The following CD5L variants were observed in gnomAD, a reference collection of about 807,000 sequenced individuals.
The protein encoded by CD5L is CD5 molecule like.
Under a neutral mutation model 40.8 loss-of-function variants are expected in CD5L, and 39 were observed. The ratio of observed to expected loss-of-function variants is 0.96; its 90% CI spans 0.74 to 1.25. The LOEUF (loss-of-function observed/expected upper bound fraction) is 1.25, where lower values mean the gene tolerates loss of function less well. Among genes scored for constraint, CD5L ranks in the 50% most tolerant of loss-of-function variants. CD5L has a pLI of 0.00. For synonymous variants in CD5L, 192 were observed against 169.6 expected, an observed-to-expected ratio of 1.13 and a Z score of -1.03; for missense variants, 433 against 435.9, an observed-to-expected ratio of 0.99 and a Z score of 0.06.
chr1:157,834,627 G>T lies in CD5L; in HGVS notation c.498C>A (p.Gly166=). The change falls in exon 4 of 6, where the codon GGC becomes GGA. Residue 166 remains glycine (G), a synonymous_variant. Coordinates refer to ENST00000368174, the MANE Select transcript of CD5L (RefSeq NM_005894.3). ...CCACCTTTGCGGCCCGGAGGCTCCA[G>T]CCTGTCTGGCACACGGTATACCACT... The part of the protein sequence containing the change: ...QNQWYTVCQT[G]WSLRAAKVVC... 6.2e-7 allele frequency: 1 copy of T among 1,614,196 alleles called. No individual in the cohort carries two copies. Among genetic ancestry groups the T allele is most frequent in the Admixed American group, 1.7e-5 (1 of 60,024 alleles).
rs148730797 is a variant in CD5L, at chr1:157,834,466, G to A, written c.659C>T (p.Ser220Phe). The part of the protein sequence containing the change: ...GREATLQDCP[S>F]GPWGKNTCNH... ...GCAGGTGTTCTTCCCCCAAGGCCCA[G>A]AAGGGCAATCCTGAAGGGTTGCTTC... The change falls in exon 4 of 6, where the codon TCT becomes TTT. Residue 220 changes from serine (S) to phenylalanine (F), a missense_variant. Ser to Phe is a radical substitution (Grantham distance 155, BLOSUM62 -2). Coordinates refer to ENST00000368174, the MANE Select transcript of CD5L (RefSeq NM_005894.3). The A allele has an allele frequency of 1.9e-6, 3 of 1,614,216 alleles. No homozygotes were observed. In the African/African-American group the frequency reaches 4.0e-5, roughly 22 times the overall value.
At chr1:157,835,107 G>A (rs1010470225) in intron 3 of CD5L, among the ~76,000 whole-genome samples, 4 of 152,132 alleles carry the variant, frequency 2.6e-5, no homozygotes, top group Admixed American at 2.0e-4. Flanking sequence ...CATTGTTGGC[G>A]TTATGAACTA....
chr1:157,834,627 G>A lies in CD5L; in HGVS notation c.498C>T (p.Gly166=). 6.2e-7 allele frequency: 1 copy of A among 1,614,196 alleles called. No individual in the cohort carries two copies. The highest frequency in any genetic ancestry group is 8.5e-7 in the Non-Finnish European group (1 of 1,180,038). The stretch of plus-strand genomic sequence containing the variant: ...CCACCTTTGCGGCCCGGAGGCTCCA[G>A]CCTGTCTGGCACACGGTATACCACT... ...QNQWYTVCQT[G]WSLRAAKVVC... The change falls in exon 4 of 6, where the codon GGC becomes GGT. Residue 166 remains glycine, a synonymous_variant. Coordinates refer to ENST00000368174, the MANE Select transcript of CD5L (RefSeq NM_005894.3).
chr1:157,833,050 G>A, intron 5 of CD5L, 142 bp downstream of exon 5: 1 of 723,696 alleles, frequency 1.4e-6, no homozygotes, highest in South Asian at 1.7e-5. Flanking sequence ...CCATATCCCT[G>A]GAAGTACAGA....
intron 4 of CD5L, among the ~76,000 whole-genome samples, chr1:157,833,967 T>C (rs902669912): frequency 1.3e-5 from 2 of 152,086 alleles, no homozygotes; most frequent in Non-Finnish European, 2.9e-5. Flanking sequence ...ACTCTCCACA[T>C]GTATTTCTGT....
chr1:157,835,692 A>G (rs1656191070), intron 3 of CD5L, 143 bp downstream of exon 3: 1 of 674,958 alleles, frequency 1.5e-6, no homozygotes, highest in East Asian at 2.6e-5. Flanking sequence ...TCCAGCACTG[A>G]CAGTTGGGAA....
chr1:157,838,886 G>T (rs887929660), intron 2 of CD5L, among the ~76,000 whole-genome samples: 13 of 152,102 alleles, frequency 8.5e-5, no homozygotes, highest in African/African-American at 3.1e-4. Flanking sequence ...CCCTTTCCTT[G>T]GGTTTATCAT....
At chr1:157,827,268 A>ATGTGTG (rs4060881), downstream of CD5L, among the ~76,000 whole-genome samples, 112 of 143,514 alleles carry the variant, frequency 7.8e-4, no homozygotes, top group African/African-American at 2.6e-3. Flanking sequence ...CAAATGGTGT[A>ATGTGTG]TGTGTGTGTG....
intron 2 of CD5L, among the ~76,000 whole-genome samples, chr1:157,837,861 C>T (rs916689987): frequency 7.4e-5 from 11 of 149,456 alleles, no homozygotes; most frequent in African/African-American, 2.2e-4. Context: ...CTGCAAGCTT[C>T]GCCTCCTGGG....
chr1:157,834,479 GA>G lies in CD5L; in HGVS notation c.645del (p.Gln216ArgfsTer29). On this transcript the variant is annotated frameshift_variant, in exon 4 of 6. Transcript: ENST00000368174. LOFTEE classifies it high-confidence loss of function. ...QMSCSGREAT[L>X]QDCPSGPWGK... Reference sequence around the variant, plus strand: ...CCCCAAGGCCCAGAAGGGCAATCCTGAAGGGTTGCTTCTCGTCCTGAGCATG... The same window carrying G: ...CCCCAAGGCCCAGAAGGGCAATCCTGAGGGTTGCTTCTCGTCCTGAGCATG... 6.2e-7 allele frequency: 1 copy of G among 1,614,212 alleles called. No individual in the cohort carries two copies. Among genetic ancestry groups the G allele is most frequent in the Non-Finnish European group, 8.5e-7 (1 of 1,180,050 alleles).
intron 2 of CD5L, 91 bp downstream of exon 2, chr1:157,839,293 G>T: frequency 7.8e-7 from 1 of 1,280,632 alleles, no homozygotes; most frequent in South Asian, 1.2e-5. Context: ...GGCCTGTTTT[G>T]AACAAGTCTT....
At chr1:157,833,585 T>A (rs1405761506) in intron 4 of CD5L, 73 bp from the exon 5 acceptor site, 3 of 1,240,166 alleles carry the variant, frequency 2.4e-6, no homozygotes, top group Non-Finnish European at 3.3e-6. Flanking sequence ...CATTTATTTT[T>A]AAAATTTTTT....
chr1:157,829,681 A>C (rs538188844), downstream of CD5L, among the ~76,000 whole-genome samples: 1,576 of 152,366 alleles, frequency 0.01, 30 homozygotes, highest in African/African-American at 0.035. Context: ...TCAGCCTTAT[A>C]AAAAATTAGT....
At position 157,831,440 on chromosome 1, in the gene CD5L, GAAAA is replaced by G. The variant is rs75445239; in HGVS notation, c.*520_*523del. ...CTATTGTGGTCACCTGAAGCTTGAGGAAAAAAAAAAAAAGTAGTCCAATCAAAAG... is the reference window on the plus strand; with the variant it reads ...CTATTGTGGTCACCTGAAGCTTGAGGAAAAAAAAAGTAGTCCAATCAAAAG... On this transcript the variant is annotated 3_prime_UTR_variant, in exon 6 of 6. Transcript: ENST00000368174. 7.5e-6 allele frequency: 6 copies of G among 799,656 alleles called. No individual in the cohort carries two copies. The allele number at this position is 799,656 out of a possible 1,614,324, so 49.5% of individuals were successfully genotyped here. A position where few individuals can be genotyped will look rare whatever the true frequency, so the allele number is the denominator to read the frequency against.
At chr1:157,829,330 G>T (rs1655985585), downstream of CD5L, among the ~76,000 whole-genome samples, 3 of 152,208 alleles carry the variant, frequency 2.0e-5, no homozygotes, top group Non-Finnish European at 2.9e-5. Flanking sequence ...ATAATTGAAA[G>T]TTCATCAGGT....
In CD5L at chr1:157,833,487, T is replaced by C; in HGVS notation, c.744A>G (p.Gly248=). The part of the protein sequence containing the change: ...CEDPFDLRLV[G]GDNLCSGRLE... ...GTCGCCCAGAGCAGAGGTTGTCTCCTCCTACTAGTCTCAAGTCAAAGGGAT... is the reference window on the plus strand; with the variant it reads ...GTCGCCCAGAGCAGAGGTTGTCTCCCCCTACTAGTCTCAAGTCAAAGGGAT... The change falls in exon 5 of 6, where the codon GGA becomes GGG. Residue 248 remains glycine, a synonymous_variant. Transcript: ENST00000368174. 1.2e-6 allele frequency: 2 copies of C among 1,612,538 alleles called. No homozygotes were observed. The highest frequency in any genetic ancestry group is 1.7e-6 in the Non-Finnish European group (2 of 1,178,782).
intron 1 of CD5L, 50 bp from the exon 2 acceptor site, chr1:157,839,460 C>G (rs1269625260): frequency 6.3e-7 from 1 of 1,594,596 alleles, no homozygotes. Context: ...AGGCTTTATT[C>G]AAAGAACACA....
rs771324783 is a variant in CD5L at position 157,839,369 on chromosome 1, C to G, written c.55+15G>C. The stretch of plus-strand genomic sequence containing the variant: ...AGCTTGAGGCCTCCCTCTCAGAAAC[C>G]CCCAAAAATCTTACCTAGGAATCCA... On this transcript the variant is annotated intron_variant, in intron 2 of 5. Coordinates refer to ENST00000368174, the MANE Select transcript of CD5L (RefSeq NM_005894.3). 36 of 1,613,412 alleles carry G rather than the reference C, an allele frequency of 2.2e-5. No homozygotes were observed. The highest frequency in any genetic ancestry group is 3.0e-5 in the Non-Finnish European group (35 of 1,179,746).
chr1:157,836,268 G>T, intron 2 of CD5L, 113 bp from the exon 3 acceptor site: 1 of 849,774 alleles, frequency 1.2e-6, no homozygotes, highest in Non-Finnish European at 1.8e-6. Flanking sequence ...AGAGTGTTGG[G>T]GAACTAGAAA....
Sources: gnomAD v4.1 joint callset for allele counts (sites outside exome capture counted in the v4.1 genomes callset) on GRCh38, gnomAD v4.1.1 for gene constraint, MANE v1.5 for transcripts, NCBI Gene and HGNC (gene_info 2026-07-23, HGNC 2026-07-21) for gene names.